Variants in LRRC4C observed in about 807,000 individuals in gnomAD.
LRRC4C encodes the protein leucine-rich repeat-containing protein 4C.
In LRRC4C, 5 loss-of-function variants were observed where a neutral mutation model predicts 33.6. That is an observed-to-expected ratio of 0.15 (90% confidence interval 0.08 to 0.31). LRRC4C has a LOEUF of 0.31. Among genes scored for constraint, LRRC4C ranks in the 10% least tolerant of loss-of-function variants. LRRC4C has a pLI of 1.00. For missense variants in LRRC4C, 560 were observed against 796.7 expected, an observed-to-expected ratio of 0.70 and a Z score of 3.58; for synonymous variants, 329 against 302.0, an observed-to-expected ratio of 1.09 and a Z score of -0.93.
intron 3 of LRRC4C, among the ~76,000 whole-genome samples, chr11:40,512,135 T>C (rs917872515): frequency 1.3e-5 from 2 of 152,216 alleles, no homozygotes; most frequent in African/African-American, 4.8e-5. Flanking sequence ...CACTAATCTA[T>C]AAATTCTACA....
At chr11:40,381,375 C>A (rs1425456879) in intron 3 of LRRC4C, among the ~76,000 whole-genome samples, 1 of 152,028 alleles carries the variant, frequency 6.6e-6, no homozygotes, top group Non-Finnish European at 1.5e-5. Context: ...TATAATTCTG[C>A]CCTAGAACAA....
rs35200000 is a variant in LRRC4C at position 40,382,684 on chromosome 11, A to ATT, written c.-269-62965_-269-62964dup. 4.9e-3 allele frequency among the ~76,000 whole-genome samples: 320 copies of ATT among 65,582 alleles called. 25 individuals carry two copies. The highest frequency in any genetic ancestry group is 6.6e-3 in the African/African-American group (104 of 15,676). 43.0% of individuals were successfully genotyped at this position (65,582 alleles called of 152,430 possible). Reference sequence around the variant, plus strand: ...TTTTGCACAACTAAAACTTGTACTCATTTTTTTTTTTTTTTTTTTTTTTTT... The same window carrying ATT: ...TTTTGCACAACTAAAACTTGTACTCATTTTTTTTTTTTTTTTTTTTTTTTTTT... On this transcript the variant is annotated intron_variant, in intron 3 of 6. Coordinates refer to ENST00000528697, the MANE Select transcript of LRRC4C (RefSeq NM_001258419.2).
chr11:41,239,038 G>A (rs1245848569), intron 1 of LRRC4C, among the ~76,000 whole-genome samples: 3 of 150,626 alleles, frequency 2.0e-5, no homozygotes, highest in Non-Finnish European at 3.0e-5. Flanking sequence ...AGTATTGGCC[G>A]GGCACGGTGT....
chr11:40,121,202 A>G (rs1855801782), intron 6 of LRRC4C, among the ~76,000 whole-genome samples: 1 of 152,188 alleles, frequency 6.6e-6, no homozygotes, highest in South Asian at 2.1e-4. Flanking sequence ...CTATTACTTA[A>G]AAGGTATATG....
intron 1 of LRRC4C, among the ~76,000 whole-genome samples, chr11:40,953,007 A>C (rs2100859): frequency 0.34 from 51,579 of 151,340 alleles, 10,400 homozygotes; most frequent in East Asian, 0.53. Flanking sequence ...ATGCAGGATA[A>C]TCAGAGAGCT....
chr11:40,899,676 T>C (rs540338508), intron 2 of LRRC4C, among the ~76,000 whole-genome samples: 2 of 152,290 alleles, frequency 1.3e-5, no homozygotes, highest in South Asian at 4.1e-4. Context: ...TGCATGGTGA[T>C]TGCACACATA....
chr11:40,677,128 G>A (rs1446802247), intron 2 of LRRC4C, among the ~76,000 whole-genome samples: 1 of 152,088 alleles, frequency 6.6e-6, no homozygotes, highest in Non-Finnish European at 1.5e-5. Context: ...GCTCATGCCT[G>A]TAATCATAGC....
At chr11:40,612,432 T>C (rs1961323515) in intron 3 of LRRC4C, among the ~76,000 whole-genome samples, 2 of 151,934 alleles carry the variant, frequency 1.3e-5, no homozygotes, top group South Asian at 4.1e-4. Context: ...AGAATTTCAG[T>C]CAAGCAAAAT....
chr11:40,376,800 T>C (rs1948677973), intron 3 of LRRC4C, among the ~76,000 whole-genome samples: 1 of 151,942 alleles, frequency 6.6e-6, no homozygotes, highest in African/African-American at 2.4e-5. Flanking sequence ...ACCTACATAG[T>C]GGTCCGTATC....
chr11:41,307,133 G>A (rs1950526720), intron 1 of LRRC4C, among the ~76,000 whole-genome samples: 1 of 152,120 alleles, frequency 6.6e-6, no homozygotes. Flanking sequence ...ATACGGCTTG[G>A]GGGAGAGACT....
intron 1 of LRRC4C, among the ~76,000 whole-genome samples, chr11:40,939,599 G>A (rs1202694210): frequency 6.6e-6 from 1 of 152,066 alleles, no homozygotes; most frequent in African/African-American, 2.4e-5. Context: ...TAGACACTTT[G>A]TATATAGCTT....
At chr11:40,545,421 C>T (rs977051690) in intron 3 of LRRC4C, among the ~76,000 whole-genome samples, 1 of 151,802 alleles carries the variant, frequency 6.6e-6, no homozygotes, top group Non-Finnish European at 1.5e-5. Flanking sequence ...AGAATATGTA[C>T]TATAATTTAT....
intron 3 of LRRC4C, among the ~76,000 whole-genome samples, chr11:40,647,328 G>T (rs531770990): frequency 1.3e-5 from 2 of 152,244 alleles, no homozygotes; most frequent in East Asian, 3.9e-4. Context: ...CCTCTACAAT[G>T]GTGCTTAATG....
At chr11:41,123,618 C>G (rs1942588638) in intron 1 of LRRC4C, among the ~76,000 whole-genome samples, 2 of 151,834 alleles carry the variant, frequency 1.3e-5, no homozygotes, top group South Asian at 4.2e-4. Context: ...CTAGCTTTGT[C>G]CTCAGAAGAA....
At chr11:40,230,425 A>C (rs1252466330) in intron 5 of LRRC4C, among the ~76,000 whole-genome samples, 3 of 152,154 alleles carry the variant, frequency 2.0e-5, no homozygotes, top group Non-Finnish European at 1.5e-5. Flanking sequence ...AAGAGGGAGA[A>C]GAAGAAAATT....
chr11:40,720,443 A>C (rs1402430693), intron 2 of LRRC4C, among the ~76,000 whole-genome samples: 2 of 152,220 alleles, frequency 1.3e-5, no homozygotes, highest in Non-Finnish European at 2.9e-5. Context: ...TTGAAAAATT[A>C]ATAGACTTGA....
At chr11:40,124,024 C>T (rs762740217) in intron 6 of LRRC4C, among the ~76,000 whole-genome samples, 1 of 152,034 alleles carries the variant, frequency 6.6e-6, no homozygotes, top group Non-Finnish European at 1.5e-5. Context: ...GCTGAGAAAA[C>T]TGTATGTCTA....
At chr11:40,568,508 C>T (rs12282658) in intron 3 of LRRC4C, among the ~76,000 whole-genome samples, 1 of 152,170 alleles carries the variant, frequency 6.6e-6, no homozygotes, top group South Asian at 2.1e-4. Context: ...TTTTGGGGTA[C>T]ATTTTCAAAT....
chr11:40,389,024 G>C (rs1949228207), intron 3 of LRRC4C, among the ~76,000 whole-genome samples: 3 of 152,142 alleles, frequency 2.0e-5, no homozygotes, highest in African/African-American at 7.2e-5. Context: ...AGAAGGAGAA[G>C]AGCTGAAGAT....
Sources: allele counts gnomAD v4.1 joint callset (sites outside exome capture counted in the v4.1 genomes callset), GRCh38; gene constraint gnomAD v4.1.1; transcripts MANE v1.5; gene names NCBI Gene and HGNC (gene_info 2026-07-23, HGNC 2026-07-21).